The following SNX8 variants were observed in gnomAD, a reference collection of about 807,000 sequenced individuals.
SNX8 encodes sorting nexin-8.
Under a neutral mutation model 51.6 loss-of-function variants are expected in SNX8, and 25 were observed. That is an observed-to-expected ratio of 0.48 (90% confidence interval 0.35 to 0.68). The LOEUF is 0.68. Among genes scored for constraint, SNX8 ranks in the 30% least tolerant of loss-of-function variants. SNX8 has a pLI of 0.00. For missense variants in SNX8, 695 were observed against 624.0 expected, an observed-to-expected ratio of 1.11 and a Z score of -1.21; for synonymous variants, 324 against 277.0, an observed-to-expected ratio of 1.17 and a Z score of -1.68.
At chr7:2,282,447 G>C (rs1795928249) in intron 1 of SNX8, among the ~76,000 whole-genome samples, 1 of 152,154 alleles carries the variant, frequency 6.6e-6, no homozygotes, top group Admixed American at 6.6e-5. Context: ...AACAAAAAAA[G>C]GGGAAACAAC....
intron 1 of SNX8, among the ~76,000 whole-genome samples, chr7:2,285,265 T>TG (rs1222775310): frequency 1.3e-5 from 2 of 150,596 alleles, no homozygotes; most frequent in African/African-American, 4.9e-5. Flanking sequence ...GGCGGGCGCC[T>TG]GTAGTCCCAG....
chr7:2,319,984 C>G (rs1288823979), intron 1 of SNX8, among the ~76,000 whole-genome samples: 1 of 151,916 alleles, frequency 6.6e-6, no homozygotes, highest in Non-Finnish European at 1.5e-5. Flanking sequence ...CATCTCAAAA[C>G]AAACAAACAA....
At chr7:2,344,816 T>C (rs1403513124) in intron 1 of SNX8, among the ~76,000 whole-genome samples, 1 of 152,092 alleles carries the variant, frequency 6.6e-6, no homozygotes, top group Non-Finnish European at 1.5e-5. Flanking sequence ...TCCCAGCACT[T>C]TGGGAGGCTG....
At chr7:2,330,021 G>A (rs1272735094) in intron 1 of SNX8, among the ~76,000 whole-genome samples, 2 of 146,834 alleles carry the variant, frequency 1.4e-5, no homozygotes, top group Non-Finnish European at 3.0e-5. Flanking sequence ...AGTAGAGACT[G>A]GATTTCACCA....
intron 1 of SNX8, among the ~76,000 whole-genome samples, chr7:2,329,091 A>G (rs1318587552): frequency 6.7e-6 from 1 of 148,574 alleles, no homozygotes; most frequent in East Asian, 2.0e-4. Flanking sequence ...GTCTCAAAAA[A>G]AAAAAAACAA....
chr7:2,292,414 C>CTT (rs879512843), intron 1 of SNX8, among the ~76,000 whole-genome samples: 6 of 143,824 alleles, frequency 4.2e-5, no homozygotes, highest in African/African-American at 1.0e-4. Context: ...GCAAAGACTT[C>CTT]TTTTTTTTTT....
intron 1 of SNX8, among the ~76,000 whole-genome samples, chr7:2,308,427 G>A (rs928250944): frequency 9.2e-5 from 14 of 152,008 alleles, no homozygotes; most frequent in African/African-American, 3.1e-4. Flanking sequence ...CAGCACTTTG[G>A]GAGGCTGCAG....
At chr7:2,323,499 T>C (rs918378598) in intron 1 of SNX8, among the ~76,000 whole-genome samples, 6 of 151,574 alleles carry the variant, frequency 4.0e-5, no homozygotes, top group Admixed American at 2.6e-4. Flanking sequence ...CACAAAGGGG[T>C]TCATGTCTGT....
intron 1 of SNX8, among the ~76,000 whole-genome samples, chr7:2,344,783 G>C (rs925387041): frequency 6.6e-6 from 1 of 150,594 alleles, no homozygotes; most frequent in Non-Finnish European, 1.5e-5. Context: ...TAGCCAGCTG[G>C]GCACGGCGGC....
intron 5 of SNX8, among the ~76,000 whole-genome samples, chr7:2,265,989 G>A (rs989340047): frequency 2.8e-4 from 43 of 152,178 alleles, no homozygotes. Context: ...TGTGGTGCAT[G>A]CCTGTGGTCC....
chr7:2,332,349 T>C (rs1243710629), intron 1 of SNX8, among the ~76,000 whole-genome samples: 2 of 152,094 alleles, frequency 1.3e-5, no homozygotes, highest in African/African-American at 4.8e-5. Flanking sequence ...TGAATCTATA[T>C]CCTCAGTGCA....
At chr7:2,271,240 C>T (rs1795637490) in intron 4 of SNX8, among the ~76,000 whole-genome samples, 1 of 152,246 alleles carries the variant, frequency 6.6e-6, no homozygotes, top group Non-Finnish European at 1.5e-5. Flanking sequence ...CGAAGTCTCG[C>T]TATGTTGTCC....
intron 1 of SNX8, among the ~76,000 whole-genome samples, chr7:2,339,713 GAAGA>G (rs1672779021): frequency 6.6e-6 from 1 of 152,144 alleles, no homozygotes; most frequent in East Asian, 1.9e-4. Context: ...CAATTTTGAA[GAAGA>G]AAGATAAGGA....
At chr7:2,325,905 A>C (rs958724273) in intron 1 of SNX8, among the ~76,000 whole-genome samples, 6 of 152,160 alleles carry the variant, frequency 3.9e-5, no homozygotes, top group Admixed American at 2.0e-4. Context: ...AACTGGAGAA[A>C]GGGGGACCCC....
intron 1 of SNX8, among the ~76,000 whole-genome samples, chr7:2,307,502 GA>G (rs1796570344): frequency 6.6e-6 from 1 of 151,804 alleles, no homozygotes; most frequent in Non-Finnish European, 1.5e-5. Flanking sequence ...TGCGGTGGTG[GA>G]CACGTGTAAT....
chr7:2,263,104 G>A, intron 7 of SNX8, 126 bp downstream of exon 7: 7 of 1,166,920 alleles, frequency 6.0e-6, no homozygotes, highest in Non-Finnish European at 8.5e-6. Flanking sequence ...GGCAACAGAG[G>A]GAGACTCCTT....
chr7:2,321,427 C>CTTT (rs903598248), intron 1 of SNX8, among the ~76,000 whole-genome samples: 3 of 139,538 alleles, frequency 2.1e-5, no homozygotes, highest in Non-Finnish European at 3.1e-5. Context: ...AATGGAATTT[C>CTTT]TTTTTTTTTT....
intron 1 of SNX8, among the ~76,000 whole-genome samples, chr7:2,346,467 G>C (rs1011388870): frequency 6.6e-6 from 1 of 150,600 alleles, no homozygotes; most frequent in African/African-American, 2.4e-5. Context: ...AGGTGAGGCA[G>C]CCAGGCACGG....
chr7:2,302,671 G>C (rs1037633212), intron 1 of SNX8, among the ~76,000 whole-genome samples: 2 of 151,576 alleles, frequency 1.3e-5, no homozygotes, highest in Non-Finnish European at 2.9e-5. Context: ...ACCTCTTCCC[G>C]GCCGCCACCA....
Sources: gnomAD v4.1 joint callset for allele counts (sites outside exome capture counted in the v4.1 genomes callset) on GRCh38, gnomAD v4.1.1 for gene constraint, MANE v1.5 for transcripts, NCBI Gene and HGNC (gene_info 2026-07-23, HGNC 2026-07-21) for gene names.